The following MRPS6 variants were observed in gnomAD, a reference collection of about 807,000 sequenced individuals.
MRPS6 encodes the protein small ribosomal subunit protein bS6m.
MRPS6 carries 6 observed loss-of-function variants against 13.1 expected under a neutral mutation model. The observed-to-expected ratio is 0.46, with a 90% confidence interval of 0.25 to 0.91. The LOEUF is 0.91. Ranked by LOEUF, MRPS6 falls within the 40% of genes least tolerant of loss-of-function variation. The pLI is 0.18. For synonymous variants in MRPS6, 61 were observed against 56.5 expected, an observed-to-expected ratio of 1.08 and a Z score of -0.36; for missense variants, 164 against 155.6, an observed-to-expected ratio of 1.05 and a Z score of -0.29.
intron 1 of MRPS6, chr21:34,102,077 T>C: frequency 1.0e-6 from 1 of 1,000,040 alleles, no homozygotes. Context: ...ATTGCTAGAC[T>C]TGGTTAACTT....
At chr21:34,092,832 G>A (rs1460766514) in intron 1 of MRPS6, among the ~76,000 whole-genome samples, 2 of 152,110 alleles carry the variant, frequency 1.3e-5, no homozygotes, top group Non-Finnish European at 2.9e-5. Context: ...TGGAAAGCAC[G>A]TGGTTGCTAC....
intron 1 of MRPS6, chr21:34,100,702 C>A: frequency 1.0e-6 from 1 of 1,000,198 alleles, no homozygotes; most frequent in Non-Finnish European, 1.2e-6. Flanking sequence ...TAACTTGAGG[C>A]TAAGCAAGGG....
At chr21:34,120,337 C>T (rs1158025567) in intron 1 of MRPS6, among the ~76,000 whole-genome samples, 1 of 151,250 alleles carries the variant, frequency 6.6e-6, no homozygotes, top group Non-Finnish European at 1.5e-5. Context: ...CAAGGCAGCC[C>T]ACTGCATTTT....
intron 1 of MRPS6, chr21:34,100,992 A>T: frequency 4.0e-6 from 4 of 1,000,138 alleles, no homozygotes; most frequent in Non-Finnish European, 4.8e-6. Flanking sequence ...AGGCATGATG[A>T]CTGGAAAGGG....
At chr21:34,119,670 T>C (rs1292616260) in intron 1 of MRPS6, among the ~76,000 whole-genome samples, 1 of 152,204 alleles carries the variant, frequency 6.6e-6, no homozygotes, top group African/African-American at 2.4e-5. Context: ...GGTGTGGTAG[T>C]GCTAGCTGGG....
chr21:34,095,761 A>C, intron 1 of MRPS6: 1 of 1,613,990 alleles, frequency 6.2e-7, no homozygotes, highest in Non-Finnish European at 8.5e-7. Flanking sequence ...GACACTCTGC[A>C]GGCTCTGCTC....
At chr21:34,076,074 C>T (rs1000783364) in intron 1 of MRPS6, among the ~76,000 whole-genome samples, 1 of 152,138 alleles carries the variant, frequency 6.6e-6, no homozygotes, top group Non-Finnish European at 1.5e-5. Context: ...ATGTATTTTC[C>T]TTTCCTCCCC....
chr21:34,100,548 A>G (rs28570507), intron 1 of MRPS6: 35,696 of 1,000,180 alleles, frequency 0.036, 703 homozygotes, highest in Non-Finnish European at 0.039. Context: ...CAAAGGATCC[A>G]TTGTATTTTG....
intron 2 of MRPS6, chr21:34,135,739 G>T: frequency 4.5e-6 from 2 of 446,880 alleles, no homozygotes; most frequent in Non-Finnish European, 4.5e-6. Flanking sequence ...GTTCTCGCCT[G>T]TGAGCAGGTG....
At chr21:34,110,722 T>G (rs1485515650) in intron 1 of MRPS6, among the ~76,000 whole-genome samples, 1 of 152,242 alleles carries the variant, frequency 6.6e-6, no homozygotes, top group Non-Finnish European at 1.5e-5. Flanking sequence ...GTCATGTCAT[T>G]TTTGTCAATA....
At chr21:34,127,270 C>T (rs1238923425) in intron 2 of MRPS6, among the ~76,000 whole-genome samples, 1 of 152,046 alleles carries the variant, frequency 6.6e-6, no homozygotes. Flanking sequence ...ATGCTTTAAG[C>T]CTATTTTCTG....
At chr21:34,108,335 G>A (rs1163409516) in intron 1 of MRPS6, among the ~76,000 whole-genome samples, 3 of 152,072 alleles carry the variant, frequency 2.0e-5, no homozygotes, top group African/African-American at 4.8e-5. Flanking sequence ...AGTACTTGTC[G>A]TTGTGCGGTT....
In MRPS6 at chr21:34,142,422, A is replaced by AT. The variant is rs1224770901; in HGVS notation, c.205dup (p.Tyr69LeufsTer8). 1.1e-5 allele frequency: 17 copies of AT among 1,568,544 alleles called. No individual in the cohort carries two copies. The highest frequency in any genetic ancestry group is 1.3e-5 in the Non-Finnish European group (15 of 1,160,532). On this transcript the variant is annotated frameshift_variant, in exon 3 of 3. Coordinates refer to ENST00000399312, the MANE Select transcript of MRPS6 (RefSeq NM_032476.4). LOFTEE classifies it high-confidence loss of function. ...TTTTATTGCAGGTATTTCTTGGTGG[A>AT]TTTTTATGCACCCACCGCAGCTGTT...
intron 2 of MRPS6, 90 bp downstream of exon 2, chr21:34,125,570 A>T: frequency 2.0e-6 from 3 of 1,536,540 alleles, no homozygotes; most frequent in Non-Finnish European, 2.6e-6. Flanking sequence ...TTAAAATTTC[A>T]CATTGAGACC....
chr21:34,078,198 ATC>A (rs1336099103), intron 1 of MRPS6, among the ~76,000 whole-genome samples: 1 of 152,022 alleles, frequency 6.6e-6, no homozygotes, highest in African/African-American at 2.4e-5. Flanking sequence ...ATCTTTAATA[ATC>A]TCTCTTTGTG....
At chr21:34,136,225 G>A (rs1980697436) in intron 2 of MRPS6, among the ~76,000 whole-genome samples, 1 of 151,848 alleles carries the variant, frequency 6.6e-6, no homozygotes. Flanking sequence ...TCTGCTCACT[G>A]CAACCTCCGC....
rs576036617 is a variant in MRPS6 at position 34,110,491 on chromosome 21, G to GA, written c.46-14840dup. On this transcript the variant is annotated intron_variant, in intron 1 of 2. Coordinates refer to ENST00000399312, the MANE Select transcript of MRPS6 (RefSeq NM_032476.4). Reference sequence around the variant, plus strand: ...GAGTGAGATCCTGTCTCATTAAAAAGAAAAAAAAAAGGCTGTATAGGTGAT... The same window carrying GA: ...GAGTGAGATCCTGTCTCATTAAAAAGAAAAAAAAAAAGGCTGTATAGGTGAT... 8.6e-3 allele frequency among the ~76,000 whole-genome samples: 1,209 copies of GA among 141,014 alleles called. 28 individuals carry two copies. Among genetic ancestry groups the GA allele is most frequent in the East Asian group, 0.056 (268 of 4,798 alleles). The allele number at this position is 141,014 out of a possible 152,430, so 92.5% of individuals were successfully genotyped here.
At chr21:34,138,737 T>C (rs1430290576) in intron 2 of MRPS6, among the ~76,000 whole-genome samples, 1 of 152,114 alleles carries the variant, frequency 6.6e-6, no homozygotes, top group African/African-American at 2.4e-5. Context: ...ACACTGTTGG[T>C]TGGACTGTAA....
At chr21:34,110,918 AC>A (rs1979670923) in intron 1 of MRPS6, among the ~76,000 whole-genome samples, 1 of 152,294 alleles carries the variant, frequency 6.6e-6, no homozygotes, top group African/African-American at 2.4e-5. Context: ...TCACATCCTT[AC>A]GCTTAGGAAC....
Sources: allele counts gnomAD v4.1 joint callset (sites outside exome capture counted in the v4.1 genomes callset), GRCh38; gene constraint gnomAD v4.1.1; transcripts MANE v1.5; gene names NCBI Gene and HGNC (gene_info 2026-07-23, HGNC 2026-07-21).